Variants in MAGI2 observed in about 807,000 individuals in gnomAD.
MAGI2 encodes membrane associated guanylate kinase, WW and PDZ domain containing 2.
In MAGI2, 35 loss-of-function variants were observed where a neutral mutation model predicts 133.3. That is an observed-to-expected ratio of 0.26 (90% confidence interval 0.20 to 0.35). The LOEUF is 0.35. MAGI2 is among the 10% of genes least tolerant of loss of function. The pLI is 1.00. For missense variants in MAGI2, 1,636 were observed against 1,863.4 expected (o/e 0.88, Z 2.25); for synonymous variants, 729 against 710.6 (o/e 1.03, Z -0.41).
intron 1 of MAGI2, among the ~76,000 whole-genome samples, chr7:79,081,241 T>C (rs1816008986): frequency 6.6e-6 from 1 of 151,922 alleles, no homozygotes; most frequent in Non-Finnish European, 1.5e-5. Context: ...CTAATGTCTA[T>C]TTATCTCCAT....
At chr7:79,370,483 T>A (rs1842980346) in intron 1 of MAGI2, among the ~76,000 whole-genome samples, 1 of 151,996 alleles carries the variant, frequency 6.6e-6, no homozygotes, top group African/African-American at 2.4e-5. Context: ...ATCATCACAC[T>A]CATATCAATA....
At chr7:79,062,526 G>A (rs974861565) in intron 1 of MAGI2, among the ~76,000 whole-genome samples, 1 of 151,980 alleles carries the variant, frequency 6.6e-6, no homozygotes, top group Non-Finnish European at 1.5e-5. Flanking sequence ...TCATTGAATG[G>A]AAATGGTGAA....
At chr7:78,022,091 A>G (rs571391797) in intron 21 of MAGI2, among the ~76,000 whole-genome samples, 17 of 152,320 alleles carry the variant, frequency 1.1e-4, no homozygotes, top group Non-Finnish European at 2.2e-4. Flanking sequence ...ATCCTTGGTT[A>G]CCTTAAGGAA....
intron 3 of MAGI2, among the ~76,000 whole-genome samples, chr7:78,619,828 CTA>C (rs746530694): frequency 3.3e-5 from 5 of 151,908 alleles, no homozygotes; most frequent in Non-Finnish European, 7.4e-5. Context: ...TAAAACTTCA[CTA>C]TGTTTTCTTC....
chr7:78,775,320 T>TAAAAAAAAAAAAAAAAAAAAAAAA (rs3086258), intron 2 of MAGI2, among the ~76,000 whole-genome samples: 5 of 57,358 alleles, frequency 8.7e-5, no homozygotes, highest in Non-Finnish European at 9.4e-5. Flanking sequence ...CGTCTCAAAT[T>TAAAAAAAAAAAAAAAAAAAAAAAA]AAAAAAAAAA....
intron 2 of MAGI2, among the ~76,000 whole-genome samples, chr7:78,769,481 G>C (rs183796239): frequency 7.0e-6 from 1 of 143,016 alleles, no homozygotes; most frequent in Admixed American, 7.2e-5. Flanking sequence ...TTGTACTGAA[G>C]TAAAACCGTC....
At chr7:78,179,513 C>A (rs528631712) in intron 13 of MAGI2, among the ~76,000 whole-genome samples, 1 of 152,204 alleles carries the variant, frequency 6.6e-6, no homozygotes, top group Non-Finnish European at 1.5e-5. Context: ...ACTTCTGAGA[C>A]GTGGGCAAAT....
chr7:79,214,976 C>T (rs1195312934), intron 1 of MAGI2, among the ~76,000 whole-genome samples: 1 of 148,928 alleles, frequency 6.7e-6, no homozygotes, highest in East Asian at 2.0e-4. Context: ...TTTTGGTTTA[C>T]AAGTACGTTT....
At chr7:78,854,143 C>T (rs999273180) in intron 2 of MAGI2, among the ~76,000 whole-genome samples, 4 of 151,928 alleles carry the variant, frequency 2.6e-5, no homozygotes, top group Non-Finnish European at 5.9e-5. Context: ...TATTTAAAAG[C>T]CTTTCTAAAT....
intron 7 of MAGI2, among the ~76,000 whole-genome samples, chr7:78,354,301 C>T (rs1791837955): frequency 6.6e-6 from 1 of 152,146 alleles, no homozygotes; most frequent in African/African-American, 2.4e-5. Context: ...AATGTGCAGT[C>T]ACAATATAAC....
At chr7:79,265,387 AC>A (rs1243004518) in intron 1 of MAGI2, among the ~76,000 whole-genome samples, 5 of 152,208 alleles carry the variant, frequency 3.3e-5, no homozygotes, top group African/African-American at 1.2e-4. Context: ...TATAGAATAT[AC>A]AAAAATATTC....
chr7:78,988,579 T>C (rs541777258), intron 2 of MAGI2, among the ~76,000 whole-genome samples: 32 of 152,230 alleles, frequency 2.1e-4, no homozygotes, highest in Non-Finnish European at 4.3e-4. Flanking sequence ...TATTTTGCAG[T>C]ACTCTAGCAT....
intron 9 of MAGI2, among the ~76,000 whole-genome samples, chr7:78,274,231 A>G (rs1468985767): frequency 6.6e-6 from 1 of 152,064 alleles, no homozygotes; most frequent in Non-Finnish European, 1.5e-5. Context: ...CTGGAGGTCC[A>G]CTCCAGACCC....
chr7:78,847,136 G>A (rs1198326421), intron 2 of MAGI2, among the ~76,000 whole-genome samples: 4 of 152,044 alleles, frequency 2.6e-5, no homozygotes, highest in South Asian at 2.1e-4. Context: ...TATCTGCGTT[G>A]AAAAGAAGAA....
At chr7:79,168,472 ATATTTCC>A (rs1441131566) in intron 1 of MAGI2, among the ~76,000 whole-genome samples, 1 of 152,228 alleles carries the variant, frequency 6.6e-6, no homozygotes, top group East Asian at 1.9e-4. Context: ...GTACATATTC[ATATTTCC>A]TAATTGTCCC....
At chr7:78,044,075 G>C (rs1811140873) in intron 21 of MAGI2, among the ~76,000 whole-genome samples, 1 of 152,126 alleles carries the variant, frequency 6.6e-6, no homozygotes, top group Non-Finnish European at 1.5e-5. Context: ...GTTATAACTT[G>C]CACTTCTATT....
chr7:78,703,512 T>A (rs1381945988), intron 2 of MAGI2, among the ~76,000 whole-genome samples: 1 of 151,968 alleles, frequency 6.6e-6, no homozygotes, highest in Non-Finnish European at 1.5e-5. Flanking sequence ...ACAGATACAG[T>A]TTTTCATCTT....
Position 79,367,856 on chromosome 7 carries a change from G to GACACACACACACACAC in MAGI2, c.301+85163_301+85164insGTGTGTGTGTGTGTGT, listed in dbSNP as rs1183514493. ...GTCATATATATATGCTTATATATGT[G>GACACACACACACACAC]ACATATATATATATATATATGTCAT... On this transcript the variant is annotated intron_variant, in intron 1 of 21. Coordinates refer to ENST00000354212, the MANE Select transcript of MAGI2 (RefSeq NM_012301.4). 2.0e-3 allele frequency among the ~76,000 whole-genome samples: 141 copies of GACACACACACACACAC among 69,976 alleles called. 7 individuals carry two copies. Among genetic ancestry groups the GACACACACACACACAC allele is most frequent in the African/African-American group, 9.4e-3 (115 of 12,186 alleles). 45.9% of individuals were successfully genotyped at this position (69,976 alleles called of 152,430 possible).
At chr7:79,338,848 G>C (rs1406966695) in intron 1 of MAGI2, among the ~76,000 whole-genome samples, 1 of 152,024 alleles carries the variant, frequency 6.6e-6, no homozygotes, top group East Asian at 1.9e-4. Context: ...CAACCTACGG[G>C]GGGTACTCCC....
Sources: gnomAD v4.1 joint callset for allele counts (sites outside exome capture counted in the v4.1 genomes callset) on GRCh38, gnomAD v4.1.1 for gene constraint, MANE v1.5 for transcripts, NCBI Gene and HGNC (gene_info 2026-07-23, HGNC 2026-07-21) for gene names.